Variants in ZDHHC13 observed in about 807,000 individuals in gnomAD.
ZDHHC13 encodes palmitoyltransferase ZDHHC13.
ZDHHC13 carries 85 observed loss-of-function variants against 86.0 expected under a neutral mutation model. The ratio of observed to expected loss-of-function variants is 0.99; its 90% CI spans 0.83 to 1.18. The LOEUF (loss-of-function observed/expected upper bound fraction) is 1.18, where lower values mean the gene tolerates loss of function less well. Among genes scored for constraint, ZDHHC13 ranks in the 50% most tolerant of loss-of-function variants. The pLI is 0.00. For missense variants in ZDHHC13, 711 were observed against 730.2 expected, an observed-to-expected ratio of 0.97 and a Z score of 0.30; for synonymous variants, 263 against 246.4, an observed-to-expected ratio of 1.07 and a Z score of -0.63.
intron 6 of ZDHHC13, 100 bp downstream of exon 6, chr11:19,150,891 C>T: frequency 2.9e-6 from 3 of 1,032,050 alleles, no homozygotes; most frequent in Non-Finnish European, 4.2e-6. Context: ...GATGATAGTA[C>T]ATTGAAGAAA....
Position 19,175,802 on chromosome 11 carries a change from C to CTTTTTTTTTTTTTT in ZDHHC13, c.1731-9_1731-8insTTTTTTTTTTTTTT. ...CAGGAAATATAGTAAGACATGTTCTCTTTTTTTTTTTCTTGGCAGTCTTGG... is the reference window on the plus strand; with the variant it reads ...CAGGAAATATAGTAAGACATGTTCTCTTTTTTTTTTTTTTTTTTTTTTTTTCTTGGCAGTCTTGG... On this transcript the variant is annotated intron_variant, in intron 16 of 16. Transcript: ENST00000446113. 3.2e-6 allele frequency: 4 copies of CTTTTTTTTTTTTTT among 1,244,348 alleles called. No individual in the cohort carries two copies. The highest frequency in any genetic ancestry group is 4.5e-6 in the Non-Finnish European group (4 of 895,058). 77.1% of individuals were successfully genotyped at this position (1,244,348 alleles called of 1,614,324 possible).
At chr11:19,121,800 C>T (rs1393511594) in intron 1 of ZDHHC13, among the ~76,000 whole-genome samples, 1 of 152,082 alleles carries the variant, frequency 6.6e-6, no homozygotes, top group Non-Finnish European at 1.5e-5. Context: ...TTAGAAGGAG[C>T]TTTATGGGTG....
At position 19,148,357 on chromosome 11, in the gene ZDHHC13, C is replaced by T. The variant is rs147408262; in HGVS notation, c.374+684C>T. 1.3e-4 allele frequency among the ~76,000 whole-genome samples: 20 copies of T among 152,042 alleles called. No individual in the cohort carries two copies. The East Asian group carries it at 3.9e-3, about 29-fold the overall frequency. ...TTCTCCATAGCTAAGAGTTTTGAAA[C>T]TCTAGGGTTACTTCATGCCCTTTAA... On this transcript the variant is annotated intron_variant, in intron 4 of 16. Coordinates refer to ENST00000446113, the MANE Select transcript of ZDHHC13 (RefSeq NM_019028.3).
In ZDHHC13 at chr11:19,152,269, A is replaced by G; in HGVS notation, c.696A>G (p.Ala232=). The change falls in exon 7 of 17, where the codon GCA becomes GCG. Residue 232 remains alanine (A), a synonymous_variant. Transcript: ENST00000446113. The part of the protein sequence containing the change: ...HWAVAAGNVN[A]VDKLLEAGSS... ...CAGTTGCAGCAGGAAATGTTAATGC[A>G]GTTGATAAGCTTTTGGAAGCTGGTT... 6.2e-7 allele frequency: 1 copy of G among 1,613,430 alleles called. No individual in the cohort carries two copies. Among genetic ancestry groups the G allele is most frequent in the Non-Finnish European group, 8.5e-7 (1 of 1,179,520 alleles).
chr11:19,148,520 A>T (rs1849527949), intron 4 of ZDHHC13: 1 of 152,110 alleles, frequency 6.6e-6, no homozygotes, highest in Admixed American at 6.6e-5. Flanking sequence ...CTGGCTTATG[A>T]TTTTTTGATT....
At chr11:19,138,865 C>T (rs546392198) in intron 1 of ZDHHC13, among the ~76,000 whole-genome samples, 2,483 of 151,918 alleles carry the variant, frequency 0.016, 60 homozygotes, top group African/African-American at 0.057. Flanking sequence ...ATTCAACAAC[C>T]CTTCATGCTA....
rs1008307507 is a variant in ZDHHC13, at chr11:19,163,352, C to G, written c.1158C>G (p.Ala386=). The change falls in exon 11 of 17, where the codon GCC becomes GCG. Residue 386 remains alanine (A), a synonymous_variant. Transcript: ENST00000446113. ...FYFSFIFSIV[A]FLYFFYKTWA... ...TCAGTTTCATTTTCAGCATAGTAGC[C>G]TTTCTATACTTTTTCTATAAGACTT... 6 of 1,605,002 alleles carry G rather than the reference C, an allele frequency of 3.7e-6. No homozygotes were observed. The African/African-American group carries it at 8.1e-5, about 22-fold the overall frequency.
intron 10 of ZDHHC13, among the ~76,000 whole-genome samples, chr11:19,160,909 G>C (rs1481176841): frequency 2.0e-5 from 3 of 151,986 alleles, no homozygotes; most frequent in African/African-American, 4.8e-5. Context: ...AAAGAGAACT[G>C]ATTTCCATAG....
chr11:19,119,179 C>T (rs1256301349), intron 1 of ZDHHC13, among the ~76,000 whole-genome samples: 5 of 151,984 alleles, frequency 3.3e-5, no homozygotes, highest in African/African-American at 7.3e-5. Flanking sequence ...GGCGCGATCT[C>T]GGCTCACTGC....
intron 8 of ZDHHC13, among the ~76,000 whole-genome samples, chr11:19,154,218 C>T (rs1849695415): frequency 6.6e-6 from 1 of 152,022 alleles, no homozygotes; most frequent in African/African-American, 2.4e-5. Flanking sequence ...TCCCAAGTGC[C>T]TAGAATAGTA....
intron 1 of ZDHHC13, among the ~76,000 whole-genome samples, chr11:19,139,312 C>T (rs1404216379): frequency 6.6e-6 from 1 of 152,028 alleles, no homozygotes; most frequent in Non-Finnish European, 1.5e-5. Flanking sequence ...CTCCCATTCA[C>T]AATTGCTTCA....
intron 11 of ZDHHC13, among the ~76,000 whole-genome samples, chr11:19,163,846 T>A (rs1390720561): frequency 1.3e-5 from 2 of 152,160 alleles, no homozygotes; most frequent in Non-Finnish European, 2.9e-5. Flanking sequence ...TGACATGGCA[T>A]GTTTTCCGTT....
intron 14 of ZDHHC13, 93 bp downstream of exon 14, chr11:19,166,478 G>A: frequency 9.9e-7 from 1 of 1,010,694 alleles, no homozygotes; most frequent in East Asian, 2.6e-5. Context: ...CTGGCTGGGT[G>A]ACTATAAACC....
At chr11:19,135,552 G>A (rs367885783) in intron 1 of ZDHHC13, among the ~76,000 whole-genome samples, 2,358 of 152,308 alleles carry the variant, frequency 0.015, 54 homozygotes, top group East Asian at 0.085. Context: ...CGGGAAGCTC[G>A]AACTGGGTGG....
chr11:19,155,739 A>G lies in ZDHHC13; in HGVS notation c.874-57A>G, dbSNP rs1382677917. 2.5e-6 allele frequency: 4 copies of G among 1,571,984 alleles called. No homozygotes were observed. In the South Asian group the frequency reaches 3.5e-5, roughly 14 times the overall value. ...GAAGTAGTTCTTATATTGCACTATT[A>G]TTAGATACTTAAGAGGTAAAATCCA... On this transcript the variant is annotated intron_variant, in intron 8 of 16. Transcript: ENST00000446113.
intron 11 of ZDHHC13, among the ~76,000 whole-genome samples, chr11:19,164,071 G>C (rs1849986952): frequency 6.6e-6 from 1 of 152,116 alleles, no homozygotes; most frequent in Non-Finnish European, 1.5e-5. Flanking sequence ...TGATAGGTGG[G>C]AGTGGTGGGG....
intron 14 of ZDHHC13, chr11:19,168,911 G>A (rs1850144099): frequency 1.0e-6 from 1 of 984,908 alleles, no homozygotes; most frequent in African/African-American, 1.7e-5. Context: ...TTACCATCAG[G>A]AAGAACTCTG....
At chr11:19,161,768 T>C (rs968683968) in intron 10 of ZDHHC13, among the ~76,000 whole-genome samples, 1 of 152,132 alleles carries the variant, frequency 6.6e-6, no homozygotes, top group Non-Finnish European at 1.5e-5. Context: ...AGAAAATCAG[T>C]TATACAAGTG....
At position 19,117,350 on chromosome 11, in the gene ZDHHC13, G is replaced by A; in HGVS notation, c.27+74G>A. 7.3e-7 allele frequency: 1 copy of A among 1,371,524 alleles called. No homozygotes were observed. Among genetic ancestry groups the A allele is most frequent in the South Asian group, 1.5e-5 (1 of 64,892 alleles). 85.0% of individuals were successfully genotyped at this position (1,371,524 alleles called of 1,614,324 possible). On this transcript the variant is annotated intron_variant, in intron 1 of 16. Transcript: ENST00000446113. This position sits in a 1 kb window ranked among gnomAD's most constrained non-coding sequence, Gnocchi z 4.2. The stretch of plus-strand genomic sequence containing the variant: ...CAGCTGTGGAGGAAAGGATGGTGTG[G>A]GTGAGAGGCCGCTCGATGAGGGGGT...
Sources: allele counts gnomAD v4.1 joint callset (sites outside exome capture counted in the v4.1 genomes callset), GRCh38; gene constraint gnomAD v4.1.1; non-coding constraint Gnocchi (gnomAD v3.1); transcripts MANE v1.5; gene names NCBI Gene and HGNC (gene_info 2026-07-23, HGNC 2026-07-21).